FERMT2: variants seen among roughly 807,000 people sequenced by gnomAD.
FERMT2 encodes the protein FERM domain containing kindlin 2.
FERMT2 carries 15 observed loss-of-function variants against 82.7 expected under a neutral mutation model. The observed-to-expected ratio is 0.18, with a 90% CI of 0.12 to 0.28. FERMT2 has a LOEUF of 0.28. Ranked by LOEUF, FERMT2 falls within the 10% of genes least tolerant of loss-of-function variation. The pLI, the probability that FERMT2 is intolerant of heterozygous loss-of-function variation, is 1.00. For synonymous variants in FERMT2, 274 were observed against 271.5 expected (o/e 1.01, Z -0.09); for missense variants, 645 against 809.4 (o/e 0.80, Z 2.46).
chr14:52,866,466 T>C (rs780536756), intron 10 of FERMT2, among the ~76,000 whole-genome samples: 1 of 152,200 alleles, frequency 6.6e-6, no homozygotes, highest in Non-Finnish European at 1.5e-5. Flanking sequence ...CAACTCCAAC[T>C]GCCGAGACTC....
chr14:52,860,284 G>A (rs1884845310), intron 13 of FERMT2, 57 bp downstream of exon 13: 2 of 1,546,500 alleles, frequency 1.3e-6, no homozygotes, highest in South Asian at 1.2e-5. Flanking sequence ...ATTACATGAG[G>A]TAGATTAAGC....
chr14:52,896,520 G>T (rs1163576052), intron 3 of FERMT2, among the ~76,000 whole-genome samples: 1 of 152,184 alleles, frequency 6.6e-6, no homozygotes, highest in Non-Finnish European at 1.5e-5. Flanking sequence ...TCAAATCCTA[G>T]TTCCACTATT....
chr14:52,877,528 C>T (rs1277743183), intron 7 of FERMT2, among the ~76,000 whole-genome samples: 2 of 146,892 alleles, frequency 1.4e-5, no homozygotes, highest in Non-Finnish European at 3.0e-5. Flanking sequence ...GCTTCTTTGC[C>T]ACTCCTTTCA....
intron 10 of FERMT2, 39 bp downstream of exon 10, chr14:52,872,760 A>G: frequency 6.2e-7 from 1 of 1,608,778 alleles, no homozygotes; most frequent in Non-Finnish European, 8.5e-7. Flanking sequence ...GCCAATGGGG[A>G]TGCCACCATC....
chr14:52,872,619 A>G (rs112526979), intron 10 of FERMT2, among the ~76,000 whole-genome samples, 180 bp downstream of exon 10: 97 of 152,366 alleles, frequency 6.4e-4, no homozygotes, highest in African/African-American at 2.2e-3. Context: ...GTGGAATTGA[A>G]TACTTCAAAC....
intron 13 of FERMT2, chr14:52,860,053 G>A (rs1228906607): frequency 1.6e-5 from 5 of 305,400 alleles, no homozygotes; most frequent in East Asian, 1.3e-4. Context: ...TCCTGACCTC[G>A]TGATCCACCC....
chr14:52,931,340 T>C (rs1889556458), intron 2 of FERMT2, among the ~76,000 whole-genome samples: 1 of 152,228 alleles, frequency 6.6e-6, no homozygotes, highest in African/African-American at 2.4e-5. Flanking sequence ...CATTTTTACC[T>C]GGGTCTTAAA....
intron 10 of FERMT2, among the ~76,000 whole-genome samples, chr14:52,869,695 C>A (rs1037325949): frequency 2.6e-5 from 4 of 152,152 alleles, no homozygotes; most frequent in Admixed American, 2.6e-4. Flanking sequence ...CTATACTATT[C>A]TTTTCATCAT....
intron 3 of FERMT2, among the ~76,000 whole-genome samples, chr14:52,902,910 T>A (rs920228585): frequency 1.0e-3 from 46 of 45,624 alleles, no homozygotes; most frequent in African/African-American, 1.2e-3. Context: ...CACTGAAAAT[T>A]AAAATGTGAT....
chr14:52,895,748 C>T (rs1188438408), intron 3 of FERMT2, among the ~76,000 whole-genome samples: 5 of 152,066 alleles, frequency 3.3e-5, no homozygotes, highest in African/African-American at 9.7e-5. Context: ...ACTCAAATTT[C>T]ACACTTTAAA....
intron 3 of FERMT2, among the ~76,000 whole-genome samples, chr14:52,908,316 C>CAATAAAAA: frequency 6.6e-6 from 1 of 152,266 alleles, no homozygotes; most frequent in South Asian, 2.1e-4. Context: ...GACCCAGAAA[C>CAATAAAAA]CTACCGTAGT....
chr14:52,944,073 T>C (rs573418691), intron 2 of FERMT2, among the ~76,000 whole-genome samples: 1 of 152,298 alleles, frequency 6.6e-6, no homozygotes, highest in South Asian at 2.1e-4. Flanking sequence ...TAGCTCATAC[T>C]TTATTAGCTG....
chr14:52,940,853 C>G (rs1193458747), intron 2 of FERMT2, among the ~76,000 whole-genome samples: 1 of 152,140 alleles, frequency 6.6e-6, no homozygotes, highest in Non-Finnish European at 1.5e-5. Context: ...TAGGGTAGAC[C>G]TGACAGCAAC....
Position 52,858,418 on chromosome 14 carries a change from C to T in FERMT2, c.2002G>A (p.Asp668Asn). The T allele has an allele frequency of 6.2e-7, 1 of 1,614,170 alleles. No individual in the cohort carries two copies. Among genetic ancestry groups the T allele is most frequent in the Non-Finnish European group, 8.5e-7 (1 of 1,179,996 alleles). The part of the protein sequence containing the change: ...TRAKDQNESL[D>N]EEMFYKLTSG... ...GTAAGTTTGTAGAACATCTCTTCAT[C>T]TAAACTCTCGTTTTGGTCTTTTGCA... The change falls in exon 15 of 15, where the codon GAT (aspartate) becomes AAT (asparagine). Residue 668 changes from aspartate to asparagine, a missense_variant. Coordinates refer to ENST00000341590, the MANE Select transcript of FERMT2 (RefSeq NM_006832.3).
rs1319501181 is a variant in FERMT2 at position 52,903,805 on chromosome 14, C to G, written c.392-10378G>C. On this transcript the variant is annotated intron_variant, in intron 3 of 14. Coordinates refer to ENST00000341590, the MANE Select transcript of FERMT2 (RefSeq NM_006832.3). Reference sequence around the variant, plus strand: ...GAGCAAATCAACACTGAGGAAAACTCAAAGATCAAATACAAGAGAGAAGAT... The same window carrying G: ...GAGCAAATCAACACTGAGGAAAACTGAAAGATCAAATACAAGAGAGAAGAT... Among the ~76,000 whole-genome samples the G allele has an allele frequency of 1.3e-5, 2 of 151,994 alleles. 1 individual carries two copies. Among genetic ancestry groups the G allele is most frequent in the African/African-American group, 4.8e-5 (2 of 41,380 alleles).
At chr14:52,887,557 G>A (rs1366303638) in intron 4 of FERMT2, among the ~76,000 whole-genome samples, 1 of 151,890 alleles carries the variant, frequency 6.6e-6, no homozygotes. Flanking sequence ...GGCCAGGCAT[G>A]GTAGCTCATG....
chr14:52,872,783 G>A lies in FERMT2; in HGVS notation c.1273+16C>T, dbSNP rs772442977. 2 of 1,613,090 alleles carry A rather than the reference G, an allele frequency of 1.2e-6. No individual in the cohort carries two copies. Among genetic ancestry groups the A allele is most frequent in the East Asian group, 2.2e-5 (1 of 44,864 alleles). Reference sequence around the variant, plus strand: ...GGATGCCACCATCAACAACAGCCGTGCCAGGCTCTCCTTACCCCTGAGGTT... The same window carrying A: ...GGATGCCACCATCAACAACAGCCGTACCAGGCTCTCCTTACCCCTGAGGTT... On this transcript the variant is annotated intron_variant, in intron 10 of 14. Coordinates refer to ENST00000341590, the MANE Select transcript of FERMT2 (RefSeq NM_006832.3).
At position 52,885,006 on chromosome 14, in the gene FERMT2, A is replaced by C. The variant is rs532294561; in HGVS notation, c.527-3537T>G. ...GACAGAATGAGACTGTGTTTCGAAA[A>C]ATAAAAATAAAAAAATAAAATTCTG... On this transcript the variant is annotated intron_variant, in intron 4 of 14. Coordinates refer to ENST00000341590, the MANE Select transcript of FERMT2 (RefSeq NM_006832.3). 1.2e-4 allele frequency among the ~76,000 whole-genome samples: 18 copies of C among 150,072 alleles called. 1 individual carries two copies. Among genetic ancestry groups the C allele is most frequent in the Non-Finnish European group, 2.4e-4 (16 of 67,674 alleles).
intron 2 of FERMT2, among the ~76,000 whole-genome samples, chr14:52,943,747 T>C (rs1456434246): frequency 2.0e-5 from 3 of 152,238 alleles, no homozygotes; most frequent in Non-Finnish European, 4.4e-5. Flanking sequence ...GGCAAAATAC[T>C]AACTGGTGTC....
Sources: gnomAD v4.1 joint callset for allele counts (sites outside exome capture counted in the v4.1 genomes callset) on GRCh38, gnomAD v4.1.1 for gene constraint, MANE v1.5 for transcripts, NCBI Gene and HGNC (gene_info 2026-07-23, HGNC 2026-07-21) for gene names.